CACHD1: variants seen among roughly 807,000 people sequenced by gnomAD.
The protein encoded by CACHD1 is VWFA and cache domain-containing protein 1.
Under a neutral mutation model 138.7 loss-of-function variants are expected in CACHD1, and 71 were observed. The ratio of observed to expected loss-of-function variants is 0.51; its 90% CI spans 0.42 to 0.62. The LOEUF is 0.62. CACHD1 is among the 20% of genes least tolerant of loss of function. The pLI is 0.00. For synonymous variants in CACHD1, 578 were observed against 591.5 expected, an observed-to-expected ratio of 0.98 and a Z score of 0.33; for missense variants, 1,389 against 1,625.3, an observed-to-expected ratio of 0.85 and a Z score of 2.50.
chr1:64,664,172 T>A (rs890551887), intron 14 of CACHD1: 2 of 446,998 alleles, frequency 4.5e-6, no homozygotes, highest in African/African-American at 3.9e-5. Flanking sequence ...TCTCTCGAGA[T>A]AAATATAAGT....
chr1:64,688,731 G>A (rs1481126092), intron 26 of CACHD1, among the ~76,000 whole-genome samples: 1 of 151,058 alleles, frequency 6.6e-6, no homozygotes. Context: ...TTCTTGACCT[G>A]GTCTTAGCCT....
rs1358060087 is a variant in CACHD1, at chr1:64,666,085, T to A, written c.2305T>A (p.Leu769Met). ...WYLHAVANPG[L>M]ISLTGPYLDV... ...TCTCCATGCAGTAGCTAATCCAGGG[T>A]TGATTTCTTTGACTGGTCCTTACTT... Residue 769 changes from leucine to methionine, a missense_variant, in exon 16 of 27, where the codon TTG becomes ATG. By Grantham distance (15) the Leu-to-Met change is conservative. Coordinates refer to ENST00000651257, the MANE Select transcript of CACHD1 (RefSeq NM_020925.4). 3.1e-6 allele frequency: 5 copies of A among 1,611,604 alleles called. No homozygotes were observed. In the Admixed American group the frequency reaches 5.0e-5, roughly 16 times the overall value.
chr1:64,482,150 T>C (rs767853565), intron 1 of CACHD1, among the ~76,000 whole-genome samples: 15 of 152,208 alleles, frequency 9.9e-5, no homozygotes, highest in African/African-American at 1.4e-4. Flanking sequence ...TTTTCTGTGA[T>C]CATTGCATTC....
At chr1:64,664,799 G>A in intron 15 of CACHD1, 120 bp downstream of exon 15, 2 of 860,318 alleles carry the variant, frequency 2.3e-6, no homozygotes, top group South Asian at 4.8e-5. Context: ...TCATGGTGGT[G>A]AAAAATGTTC....
At position 64,676,110 on chromosome 1, in the gene CACHD1, T is replaced by A. The variant is rs539810392; in HGVS notation, c.2975+127T>A. On this transcript the variant is annotated intron_variant, in intron 21 of 26. Transcript: ENST00000651257. ...GGCGTATAAAGATGATTCATTCTAA[T>A]GATAGAACTAACTGTTCAGTGAGCC... The A allele has an allele frequency of 9.4e-6, 3 of 318,910 alleles. No individual in the cohort carries two copies. The South Asian group carries it at 3.9e-4, about 41-fold the overall frequency. The allele number at this position is 318,910 out of a possible 1,614,324, so 19.8% of individuals were successfully genotyped here.
In CACHD1 at chr1:64,673,256, A is replaced by T; in HGVS notation, c.2609A>T (p.Lys870Met). 1 of 1,614,010 alleles carries T rather than the reference A, an allele frequency of 6.2e-7. No individual in the cohort carries two copies. The highest frequency in any genetic ancestry group is 8.5e-7 in the Non-Finnish European group (1 of 1,179,950). Residue 870 changes from lysine to methionine, a missense_variant and splice_region_variant, in exon 18 of 27, where the codon AAG (lysine) becomes ATG (methionine). By Grantham distance (95) the Lys-to-Met change is moderately conservative (BLOSUM62 -1). Coordinates refer to ENST00000651257, the MANE Select transcript of CACHD1 (RefSeq NM_020925.4). ...APVEQQHITH[K>M]EPLVANDILN... ...GTGGAGCAGCAGCACATCACCCACA[A>T]GGTATTTGTCACAAAGCTGAGCTGC... is the stretch of plus-strand genomic sequence containing the variant.
chr1:64,682,803 A>T (rs1486925370), intron 26 of CACHD1, among the ~76,000 whole-genome samples: 1 of 152,172 alleles, frequency 6.6e-6, no homozygotes, highest in African/African-American at 2.4e-5. Flanking sequence ...CATTGTTGCA[A>T]AGAACAGCAG....
chr1:64,588,725 TC>T, intron 3 of CACHD1, among the ~76,000 whole-genome samples: 1 of 152,324 alleles, frequency 6.6e-6, no homozygotes, highest in South Asian at 2.1e-4. Flanking sequence ...TTTATCTATT[TC>T]TTTCCCCAAT....
Position 64,595,438 on chromosome 1 carries a change from TAACTG to T in CACHD1, c.411-7367_411-7363del, listed in dbSNP as rs1489953763. Among the ~76,000 whole-genome samples, 4 of 152,218 alleles carry T rather than the reference TAACTG, an allele frequency of 2.6e-5. No homozygotes were observed. In the East Asian group the frequency reaches 7.7e-4, roughly 29 times the overall value. ...CAAGGGAGAAGGGTATATAAATAAA[TAACTG>T]TAAAGTGTGTCAAGTCCCTATTAGA... On this transcript the variant is annotated intron_variant, in intron 3 of 26. Coordinates refer to ENST00000651257, the MANE Select transcript of CACHD1 (RefSeq NM_020925.4).
rs936369556 is a variant in CACHD1, at chr1:64,483,869, C to A, written c.198+12927C>A. Among the ~76,000 whole-genome samples, 5 of 144,856 alleles carry A rather than the reference C, an allele frequency of 3.5e-5. No individual in the cohort carries two copies. The South Asian group carries it at 7.1e-4, about 21-fold the overall frequency. On this transcript the variant is annotated intron_variant, in intron 1 of 26. Transcript: ENST00000651257. ...TGTGACCTTATCTTTTACCTTCCCC[C>A]CCCCCCTTGCATATAACTCTGTTCT...
intron 1 of CACHD1, among the ~76,000 whole-genome samples, chr1:64,480,813 T>C (rs1396668093): frequency 6.6e-6 from 1 of 151,978 alleles, no homozygotes; most frequent in Non-Finnish European, 1.5e-5. Context: ...TATTTTGAAA[T>C]TGGATTTTAT....
chr1:64,644,496 T>C (rs1648839467), intron 8 of CACHD1, among the ~76,000 whole-genome samples: 1 of 152,228 alleles, frequency 6.6e-6, no homozygotes, highest in Non-Finnish European at 1.5e-5. Context: ...AGATACTTCT[T>C]TACTTCCTTG....
intron 1 of CACHD1, among the ~76,000 whole-genome samples, chr1:64,548,593 G>T (rs1167888410): frequency 6.6e-6 from 1 of 152,122 alleles, no homozygotes; most frequent in Non-Finnish European, 1.5e-5. Context: ...AGTATTTCAG[G>T]ATTTAGAATC....
intron 4 of CACHD1, among the ~76,000 whole-genome samples, chr1:64,625,000 GTCTGCCC>G (rs1648046644): frequency 6.6e-6 from 1 of 152,146 alleles, no homozygotes; most frequent in Non-Finnish European, 1.5e-5. Flanking sequence ...AAATGTCTAT[GTCTGCCC>G]TCTCAAAGAC....
chr1:64,643,154 T>C (rs1229378740), intron 8 of CACHD1, among the ~76,000 whole-genome samples: 1 of 149,650 alleles, frequency 6.7e-6, no homozygotes, highest in Non-Finnish European at 1.5e-5. Flanking sequence ...CAGAACCATG[T>C]GGTTCAGGGA....
At chr1:64,653,603 A>G (rs1460014250) in intron 10 of CACHD1, among the ~76,000 whole-genome samples, 155 bp from the exon 11 acceptor site, 1 of 152,216 alleles carries the variant, frequency 6.6e-6, no homozygotes, top group East Asian at 1.9e-4. Flanking sequence ...GTAAGCACAT[A>G]TAAAACAGGT....
chr1:64,589,568 A>G (rs1019018309), intron 3 of CACHD1, among the ~76,000 whole-genome samples: 2 of 152,026 alleles, frequency 1.3e-5, no homozygotes, highest in African/African-American at 2.4e-5. Context: ...TCCAAAATAC[A>G]TGGTAGGCTG....
chr1:64,504,378 CACA>C (rs1646356126), intron 1 of CACHD1, among the ~76,000 whole-genome samples: 1 of 152,180 alleles, frequency 6.6e-6, no homozygotes, highest in East Asian at 1.9e-4. Context: ...TTAAATGTGA[CACA>C]ACATTTAATC....
chr1:64,678,392 C>T, intron 23 of CACHD1, 82 bp downstream of exon 23: 1 of 1,315,318 alleles, frequency 7.6e-7, no homozygotes, highest in Non-Finnish European at 1.0e-6. Flanking sequence ...TAAAATAATC[C>T]TCTTCCCAAC....
Sources: gnomAD v4.1 joint callset for allele counts (sites outside exome capture counted in the v4.1 genomes callset) on GRCh38, gnomAD v4.1.1 for gene constraint, MANE v1.5 for transcripts, NCBI Gene and HGNC (gene_info 2026-07-23, HGNC 2026-07-21) for gene names.